PCLO: variants seen among roughly 807,000 people sequenced by gnomAD.
The protein encoded by PCLO is piccolo presynaptic cytomatrix protein.
In PCLO, 82 loss-of-function variants were observed where a neutral mutation model predicts 427.5. The ratio of observed to expected loss-of-function variants is 0.19; its 90% CI spans 0.16 to 0.23. The LOEUF (loss-of-function observed/expected upper bound fraction) is 0.23. Among genes scored for constraint, PCLO ranks in the 10% least tolerant of loss-of-function variants. The pLI, the probability that PCLO is intolerant of heterozygous loss-of-function variation, is 1.00. For synonymous variants in PCLO, 2,357 were observed against 2,155.4 expected (o/e 1.09, Z -2.59); for missense variants, 6,239 against 6,115.9 (o/e 1.02, Z -0.67).
chr7:83,105,563 G>C lies in PCLO; in HGVS notation c.3300+28687C>G, dbSNP rs531964311. On this transcript the variant is annotated intron_variant, in intron 3 of 24. Transcript: ENST00000333891. ...TTCATGGCTGTGGTTCCCAAGCAGA[G>C]TGCCAATGAACCCTGGAAAGTTACA... Among the ~76,000 whole-genome samples the C allele has an allele frequency of 1.4e-4, 21 of 152,264 alleles. No individual in the cohort carries two copies. In the South Asian group the frequency reaches 3.7e-3, roughly 27 times the overall value.
chr7:82,769,877 T>A lies in PCLO; in HGVS notation c.15008-8384A>T, dbSNP rs549919961. ...GCTCCCATCACTTATTCCAAATCGA[T>A]AAAAACTCTAAGACAGATTTTAAAA... On this transcript the variant is annotated intron_variant, in intron 22 of 24. Transcript: ENST00000333891. Among the ~76,000 whole-genome samples the A allele has an allele frequency of 1.1e-4, 16 of 152,216 alleles. No individual in the cohort carries two copies. In the South Asian group the frequency reaches 3.1e-3, roughly 30 times the overall value.
At chr7:83,139,143 A>G (rs1791801997) in intron 2 of PCLO, among the ~76,000 whole-genome samples, 1 of 152,214 alleles carries the variant, frequency 6.6e-6, no homozygotes, top group Non-Finnish European at 1.5e-5. Flanking sequence ...AAAATTTTAA[A>G]TATCACTAAA....
At chr7:83,013,802 T>C (rs1312665920) in intron 3 of PCLO, among the ~76,000 whole-genome samples, 1 of 152,232 alleles carries the variant, frequency 6.6e-6, no homozygotes, top group Non-Finnish European at 1.5e-5. Context: ...GCAAGTCACT[T>C]AGTGTTTTTG....
At chr7:83,069,837 G>A (rs1041932643) in intron 3 of PCLO, among the ~76,000 whole-genome samples, 2 of 80,238 alleles carry the variant, frequency 2.5e-5, no homozygotes, top group Non-Finnish European at 2.2e-5. Context: ...AAAGACTGAT[G>A]ATATAAAACA....
At position 82,915,519 on chromosome 7, in the gene PCLO, C is replaced by T; in HGVS notation, c.12467G>A (p.Arg4156Lys). 6.2e-7 allele frequency: 1 copy of T among 1,613,682 alleles called. No individual in the cohort carries two copies. The highest frequency in any genetic ancestry group is 8.5e-7 in the Non-Finnish European group (1 of 1,179,704). ...SHYYHADTSYRHFPKSEKYSI... is the reference protein window; with the variant it reads ...SHYYHADTSYKHFPKSEKYSI... ...ATACTTCTCAGATTTTGGAAAATGT[C>T]TGTAGCTAGTATCAGCATGGTAATA... The change falls in exon 7 of 25, where the codon AGA becomes AAA. Residue 4156 changes from arginine (R) to lysine (K), a missense_variant. Physicochemically the swap from Arg to Lys is conservative, Grantham distance 26. Around this residue, in one of 5 missense-constraint regions of PCLO, gnomAD observed 680 missense variants for 677.3 expected, o/e 1.00. Transcript: ENST00000333891.
At chr7:82,891,117 C>A (rs1490486022) in intron 9 of PCLO, among the ~76,000 whole-genome samples, 1 of 151,974 alleles carries the variant, frequency 6.6e-6, no homozygotes, top group East Asian at 1.9e-4. Flanking sequence ...TGTATGTATG[C>A]ATATATGTAT....
intron 3 of PCLO, among the ~76,000 whole-genome samples, chr7:83,095,518 A>C (rs371510496): frequency 6.6e-6 from 1 of 151,750 alleles, no homozygotes; most frequent in Non-Finnish European, 1.5e-5. Flanking sequence ...GTAGGAGCTT[A>C]GATTATTAAT....
chr7:82,793,427 A>C (rs888467966), intron 22 of PCLO, among the ~76,000 whole-genome samples: 2 of 152,082 alleles, frequency 1.3e-5, no homozygotes, highest in Non-Finnish European at 2.9e-5. Flanking sequence ...AGAAAACAAA[A>C]CTACAGGCTG....
Position 82,967,202 on chromosome 7 carries a change from T to C in PCLO, c.3301-715A>G, listed in dbSNP as rs538781544. On this transcript the variant is annotated intron_variant, in intron 3 of 24. Transcript: ENST00000333891. ...AACATTTTCTTTCTTCTTTTCTTTT[T>C]TTTTTTTTTTTTGCCCAGGCTGGGG... Among the ~76,000 whole-genome samples the C allele has an allele frequency of 2.6e-4, 35 of 132,530 alleles. No individual in the cohort carries two copies. In the East Asian group the frequency reaches 5.8e-3, roughly 22 times the overall value. The allele number at this position is 132,530 out of a possible 152,430, so 86.9% of individuals were successfully genotyped here.
chr7:82,829,014 AG>A (rs923500687), intron 16 of PCLO, among the ~76,000 whole-genome samples: 3 of 152,126 alleles, frequency 2.0e-5, no homozygotes, highest in Non-Finnish European at 2.9e-5. Context: ...TCCAAACTAT[AG>A]CCAGACTAAC....
At chr7:83,091,904 A>G (rs1016139813) in intron 3 of PCLO, among the ~76,000 whole-genome samples, 22 of 152,182 alleles carry the variant, frequency 1.4e-4, no homozygotes, top group African/African-American at 5.3e-4. Flanking sequence ...GCTTATTATA[A>G]GACTTCCTAC....
At chr7:83,009,718 AATTAG>A (rs1303462311) in intron 3 of PCLO, among the ~76,000 whole-genome samples, 3 of 151,852 alleles carry the variant, frequency 2.0e-5, no homozygotes, top group Non-Finnish European at 4.4e-5. Flanking sequence ...TAAAGATTTA[AATTAG>A]ATTAGAAAAA....
chr7:82,920,288 T>C (rs1781683056), intron 6 of PCLO, among the ~76,000 whole-genome samples: 3 of 151,784 alleles, frequency 2.0e-5, no homozygotes, highest in Admixed American at 2.0e-4. Flanking sequence ...AAAGATGATG[T>C]AGCTGGAAGC....
At chr7:83,012,851 G>A (rs1292442886) in intron 3 of PCLO, among the ~76,000 whole-genome samples, 2 of 152,018 alleles carry the variant, frequency 1.3e-5, no homozygotes, top group African/African-American at 2.4e-5. Flanking sequence ...CAGACCAGGT[G>A]TTTTAGTTTT....
intron 13 of PCLO, among the ~76,000 whole-genome samples, chr7:82,844,756 AT>A (rs1424704521): frequency 6.6e-6 from 1 of 152,142 alleles, no homozygotes; most frequent in East Asian, 1.9e-4. Flanking sequence ...CATTGGAAGC[AT>A]TTGTTTCGAA....
In PCLO at chr7:82,951,149, T is replaced by C. The variant is rs1795335932; in HGVS notation, c.9439A>G (p.Thr3147Ala). The C allele has an allele frequency of 5.0e-6, 8 of 1,613,756 alleles. 1 individual carries two copies. In the East Asian group the frequency reaches 1.8e-4, roughly 36 times the overall value. The part of the protein sequence containing the change: ...QPMPRSYFIT[T>A]GASETDIAVT... ...GCAATGTCCGTTTCAGATGCACCTG[T>C]TGTTATAAAATATGATCTAGGCATT... Residue 3147 changes from threonine (T) to alanine (A), a missense_variant, in exon 6 of 25, where the codon ACA becomes GCA. Around this residue, in one of 5 missense-constraint regions of PCLO, gnomAD observed 4,677 missense variants for 4,468.4 expected, o/e 1.05. Coordinates refer to ENST00000333891, the MANE Select transcript of PCLO (RefSeq NM_033026.6).
intron 3 of PCLO, among the ~76,000 whole-genome samples, chr7:83,025,460 G>A (rs1583922693): frequency 6.6e-6 from 1 of 151,708 alleles, no homozygotes; most frequent in East Asian, 1.9e-4. Flanking sequence ...TATGTGAAAA[G>A]ACCAAATCTA....
intron 3 of PCLO, among the ~76,000 whole-genome samples, chr7:83,105,765 T>A (rs1790838824): frequency 6.6e-6 from 1 of 152,174 alleles, no homozygotes; most frequent in Non-Finnish European, 1.5e-5. Context: ...TACTGAGAAC[T>A]AAGTGTGCCA....
intron 6 of PCLO, among the ~76,000 whole-genome samples, chr7:82,917,898 T>G (rs770083738): frequency 9.2e-5 from 14 of 152,006 alleles, no homozygotes; most frequent in Admixed American, 3.3e-4. Flanking sequence ...TTAGATCACA[T>G]TTTTCCAAGA....
Sources: allele counts gnomAD v4.1 joint callset (sites outside exome capture counted in the v4.1 genomes callset), GRCh38; gene constraint gnomAD v4.1.1; regional missense constraint gnomAD v4.1.1; transcripts MANE v1.5; gene names NCBI Gene and HGNC (gene_info 2026-07-23, HGNC 2026-07-21).